Variants in CNTNAP2 observed in about 807,000 individuals in gnomAD.
The protein encoded by CNTNAP2 is contactin-associated protein-like 2.
A neutral mutation model predicts 155.2 loss-of-function variants in CNTNAP2; 98 were observed. The ratio of observed to expected loss-of-function variants is 0.63; its 90% CI spans 0.54 to 0.75. The LOEUF is 0.75. Among genes scored for constraint, CNTNAP2 ranks in the 30% least tolerant of loss-of-function variants. The pLI, the probability that CNTNAP2 is intolerant of heterozygous loss-of-function variation, is 0.00. For synonymous variants in CNTNAP2, 651 were observed against 631.2 expected (o/e 1.03, Z -0.47); for missense variants, 1,727 against 1,688.1 (o/e 1.02, Z -0.40).
intron 15 of CNTNAP2, among the ~76,000 whole-genome samples, chr7:148,076,535 A>G (rs1051034279): frequency 1.4e-5 from 2 of 138,258 alleles, no homozygotes; most frequent in Admixed American, 8.3e-5. Context: ...TCCCAGGTTC[A>G]TGCCATTCTC....
intron 1 of CNTNAP2, among the ~76,000 whole-genome samples, chr7:146,460,590 A>G (rs1448995199): frequency 6.6e-6 from 1 of 152,210 alleles, no homozygotes; most frequent in Non-Finnish European, 1.5e-5. Flanking sequence ...ATACTACAAC[A>G]TACACATATA....
intron 1 of CNTNAP2, among the ~76,000 whole-genome samples, chr7:146,745,220 C>A (rs1801788825): frequency 6.6e-6 from 1 of 152,152 alleles, no homozygotes; most frequent in African/African-American, 2.4e-5. Context: ...AGTTTTTTCA[C>A]TTTATTTACA....
At chr7:147,852,687 C>A (rs771132371) in intron 13 of CNTNAP2, among the ~76,000 whole-genome samples, 4 of 152,172 alleles carry the variant, frequency 2.6e-5, no homozygotes, top group Non-Finnish European at 5.9e-5. Flanking sequence ...ACATCTCTGT[C>A]ATCTCACGGC....
rs149422331 is a variant in CNTNAP2, at chr7:147,539,680, CTG to C, written c.1778-22457_1778-22456del. ...ACTCCCAGGTGTAATCAAGTAGAGA[CTG>C]AGATCCCTACACCAAGTCAAAAACT... On this transcript the variant is annotated intron_variant, in intron 11 of 23. Transcript: ENST00000361727. 6.2e-3 allele frequency among the ~76,000 whole-genome samples: 943 copies of C among 152,292 alleles called. 8 individuals are homozygous for C. The highest frequency in any genetic ancestry group is 0.022 in the African/African-American group (905 of 41,558).
intron 3 of CNTNAP2, among the ~76,000 whole-genome samples, chr7:146,858,797 A>C (rs1475379786): frequency 2.6e-5 from 4 of 152,112 alleles, no homozygotes; most frequent in Non-Finnish European, 5.9e-5. Context: ...ATTTTTTTGC[A>C]TTTTTATTAT....
At chr7:146,687,884 G>C (rs144226561) in intron 1 of CNTNAP2, among the ~76,000 whole-genome samples, 138 of 152,262 alleles carry the variant, frequency 9.1e-4, no homozygotes, top group African/African-American at 3.1e-3. Flanking sequence ...CATGGGAAGA[G>C]CACAGGCTGT....
At chr7:146,775,816 T>C (rs559819953) in intron 2 of CNTNAP2, among the ~76,000 whole-genome samples, 1 of 152,146 alleles carries the variant, frequency 6.6e-6, no homozygotes, top group Non-Finnish European at 1.5e-5. Flanking sequence ...TATTCACAGA[T>C]CTATGAAGAG....
rs1473898920 is a variant in CNTNAP2 at position 148,420,687 on chromosome 7, C to G, written c.*5071C>G. The G allele has an allele frequency of 6.6e-6, 1 of 152,538 alleles. No homozygotes were observed. The allele number at this position is 152,538 out of a possible 1,614,324, so 9.4% of individuals were successfully genotyped here. A position where few individuals can be genotyped will look rare whatever the true frequency, so the allele number is the denominator to read the frequency against. On this transcript the variant is annotated 3_prime_UTR_variant, in exon 24 of 24. Coordinates refer to ENST00000361727, the MANE Select transcript of CNTNAP2 (RefSeq NM_014141.6). ...AGTTCCTCTCAAGTAGGCCAAGAAACAGTTCTAGATTTTACTAAGTTTTAT... is the reference window on the plus strand; with the variant it reads ...AGTTCCTCTCAAGTAGGCCAAGAAAGAGTTCTAGATTTTACTAAGTTTTAT...
chr7:147,487,095 C>T (rs1185408367), intron 11 of CNTNAP2, among the ~76,000 whole-genome samples: 1 of 152,126 alleles, frequency 6.6e-6, no homozygotes, highest in Non-Finnish European at 1.5e-5. Context: ...TGTCATACAG[C>T]TCTCTAAGCC....
chr7:146,395,800 G>C (rs1184568219), intron 1 of CNTNAP2, among the ~76,000 whole-genome samples: 3 of 137,400 alleles, frequency 2.2e-5, no homozygotes, highest in African/African-American at 1.0e-4. Context: ...TAGATAGATA[G>C]ATAGATAGAT....
At chr7:146,934,100 C>G (rs1796852831) in intron 3 of CNTNAP2, among the ~76,000 whole-genome samples, 1 of 152,074 alleles carries the variant, frequency 6.6e-6, no homozygotes, top group Admixed American at 6.5e-5. Context: ...GGTATATACC[C>G]AAAGGACTAT....
At chr7:147,477,048 T>C (rs1345213019) in intron 10 of CNTNAP2, among the ~76,000 whole-genome samples, 1 of 152,128 alleles carries the variant, frequency 6.6e-6, no homozygotes, top group Non-Finnish European at 1.5e-5. Flanking sequence ...TTCCTGTGCA[T>C]TTCAGAAAAT....
At chr7:147,540,830 A>AAG (rs999659284) in intron 11 of CNTNAP2, among the ~76,000 whole-genome samples, 17 of 39,574 alleles carry the variant, frequency 4.3e-4, no homozygotes, top group African/African-American at 1.3e-3. Flanking sequence ...ACTCTGTCTC[A>AAG]AAAAAAAAAG....
At chr7:146,153,876 A>G (rs1354550795) in intron 1 of CNTNAP2, among the ~76,000 whole-genome samples, 1 of 152,144 alleles carries the variant, frequency 6.6e-6, no homozygotes, top group Non-Finnish European at 1.5e-5. Context: ...TCTATGTCTA[A>G]AGGAAAAGTA....
chr7:146,496,938 T>C (rs2129132387), intron 1 of CNTNAP2, among the ~76,000 whole-genome samples: 1 of 152,324 alleles, frequency 6.6e-6, no homozygotes, highest in African/African-American at 2.4e-5. Context: ...CCACTGGCCC[T>C]ACTAAGGGGG....
At chr7:147,259,448 G>T (rs533085585) in intron 8 of CNTNAP2, among the ~76,000 whole-genome samples, 1 of 151,842 alleles carries the variant, frequency 6.6e-6, no homozygotes, top group East Asian at 1.9e-4. Flanking sequence ...ATATGACAAT[G>T]ACATCAAGAA....
At chr7:146,690,550 A>G (rs1035659913) in intron 1 of CNTNAP2, among the ~76,000 whole-genome samples, 2 of 152,168 alleles carry the variant, frequency 1.3e-5, no homozygotes, top group East Asian at 3.9e-4. Flanking sequence ...AATGTTTTGT[A>G]TATGTGAAAA....
At chr7:146,480,064 C>T (rs962339387) in intron 1 of CNTNAP2, among the ~76,000 whole-genome samples, 1 of 152,158 alleles carries the variant, frequency 6.6e-6, no homozygotes, top group Admixed American at 6.5e-5. Flanking sequence ...GGATTACAGG[C>T]GTGAGCCACT....
At chr7:148,008,709 T>C in intron 15 of CNTNAP2, among the ~76,000 whole-genome samples, 1 of 152,240 alleles carries the variant, frequency 6.6e-6, no homozygotes, top group Admixed American at 6.5e-5. Flanking sequence ...TCATTTAACC[T>C]GAGTTCCTCT....
Sources: gnomAD v4.1 joint callset for allele counts (sites outside exome capture counted in the v4.1 genomes callset) on GRCh38, gnomAD v4.1.1 for gene constraint, MANE v1.5 for transcripts, NCBI Gene and HGNC (gene_info 2026-07-23, HGNC 2026-07-21) for gene names.